RAPH1: variants seen among roughly 807,000 people sequenced by gnomAD.
The protein encoded by RAPH1 is Ras association (RalGDS/AF-6) and pleckstrin homology domains 1.
Under a neutral mutation model 88.1 loss-of-function variants are expected in RAPH1, and 18 were observed. That is an observed-to-expected ratio of 0.20 (90% CI 0.14 to 0.30). RAPH1 has a LOEUF of 0.30. Among genes scored for constraint, RAPH1 ranks in the 10% least tolerant of loss-of-function variants. The pLI is 1.00. For synonymous variants in RAPH1, 587 were observed against 559.0 expected, an observed-to-expected ratio of 1.05 and a Z score of -0.71; for missense variants, 1,448 against 1,543.2, an observed-to-expected ratio of 0.94 and a Z score of 1.03.
intron 10 of RAPH1, among the ~76,000 whole-genome samples, chr2:203,449,159 C>T (rs968544437): frequency 6.6e-6 from 1 of 152,196 alleles, no homozygotes; most frequent in East Asian, 1.9e-4. Context: ...ATAGAATTCT[C>T]CATCTATAAG....
At chr2:203,445,035 T>C in intron 12 of RAPH1, 25 bp from the exon 13 acceptor site, 2 of 1,607,130 alleles carry the variant, frequency 1.2e-6, no homozygotes, top group Non-Finnish European at 1.7e-6. Flanking sequence ...TTTTTAAACA[T>C]AGGTTTAAAA....
Position 203,440,546 on chromosome 2 carries a change from G to C in RAPH1, c.2644C>G (p.Pro882Ala), listed in dbSNP as rs1443870075. The part of the protein sequence containing the change: ...PPTPPAMESQ[P>A]LKPVPANVAP... Reference sequence around the variant, plus strand: ...ACATTTGCTGGGACAGGCTTTAAGGGCTGAGATTCCATGGCAGGGGGAGTT... The same window carrying C: ...ACATTTGCTGGGACAGGCTTTAAGGCCTGAGATTCCATGGCAGGGGGAGTT... Residue 882 changes from proline (P) to alanine (A), a missense_variant, in exon 14 of 14, where the codon CCC becomes GCC. Coordinates refer to ENST00000319170, the MANE Select transcript of RAPH1 (RefSeq NM_213589.3). 7 of 1,546,238 alleles carry C rather than the reference G, an allele frequency of 4.5e-6. No individual in the cohort carries two copies. The highest frequency in any genetic ancestry group is 6.1e-6 in the Non-Finnish European group (7 of 1,147,028).
chr2:203,481,736 T>C (rs1469736014), intron 4 of RAPH1, among the ~76,000 whole-genome samples: 3 of 150,492 alleles, frequency 2.0e-5, no homozygotes, highest in East Asian at 3.9e-4. Context: ...GAATTGCAGG[T>C]GTCTGCCACC....
intron 4 of RAPH1, among the ~76,000 whole-genome samples, chr2:203,486,884 G>C (rs187403538): frequency 3.8e-4 from 58 of 152,198 alleles, no homozygotes; most frequent in Admixed American, 1.9e-3. Flanking sequence ...GCTAGATAAG[G>C]CTTTTTAACT....
rs915967690 is a variant in RAPH1, at chr2:203,434,161, G to A, written c.*5276C>T. The A allele has an allele frequency of 3.9e-5, 6 of 152,324 alleles. No individual in the cohort carries two copies. The highest frequency in any genetic ancestry group is 7.3e-5 in the African/African-American group (3 of 41,336). 9.4% of individuals were successfully genotyped at this position (152,324 alleles called of 1,614,324 possible). On this transcript the variant is annotated 3_prime_UTR_variant, in exon 14 of 14. Coordinates refer to ENST00000319170, the MANE Select transcript of RAPH1 (RefSeq NM_213589.3). ...AAGAAAATAATAGCAACAAAGCTGC[G>A]AGAAAAATTGTAACTTCATCTTCAC...
intron 1 of RAPH1, among the ~76,000 whole-genome samples, chr2:203,534,014 C>G (rs1412041360): frequency 1.3e-5 from 2 of 152,178 alleles, no homozygotes; most frequent in Non-Finnish European, 2.9e-5. Context: ...TGCTTGTTCA[C>G]CTGGTGTCAC....
At chr2:203,479,623 A>G (rs2105779277) in intron 4 of RAPH1, among the ~76,000 whole-genome samples, 1 of 151,960 alleles carries the variant, frequency 6.6e-6, no homozygotes, top group East Asian at 1.9e-4. Flanking sequence ...AAAAAAAAAA[A>G]TTAAATCTGA....
intron 13 of RAPH1, chr2:203,444,649 C>T: frequency 2.3e-6 from 1 of 428,074 alleles, no homozygotes; most frequent in South Asian, 8.2e-5. Flanking sequence ...GATTTTAAGT[C>T]ATTAGAGCCA....
At position 203,436,123 on chromosome 2, in the gene RAPH1, T is replaced by C. The variant is rs1467111859; in HGVS notation, c.*3314A>G. 6.6e-6 allele frequency: 1 copy of C among 152,198 alleles called. No individual in the cohort carries two copies. The highest frequency in any genetic ancestry group is 1.5e-5 in the Non-Finnish European group (1 of 68,028). 9.4% of individuals were successfully genotyped at this position (152,198 alleles called of 1,614,324 possible). ...GTTTGTTTTCAGTGACAAGAAAACA[T>C]ACATGGAAAGGGGACCCAAGACAGT... On this transcript the variant is annotated 3_prime_UTR_variant, in exon 14 of 14. Transcript: ENST00000319170.
chr2:203,489,878 A>G lies in RAPH1; in HGVS notation c.438T>C (p.Pro146=). The G allele has an allele frequency of 1.2e-6, 2 of 1,614,254 alleles. No individual in the cohort carries two copies. Among genetic ancestry groups the G allele is most frequent in the Admixed American group, 1.7e-5 (1 of 60,026 alleles). The change falls in exon 4 of 14, where the codon CCT becomes CCC. Residue 146 remains proline (P), a synonymous_variant. Coordinates refer to ENST00000319170, the MANE Select transcript of RAPH1 (RefSeq NM_213589.3). Reference sequence around the variant, plus strand: ...CGTCCAAGGAGTAGCTGGCATGGGAAGGTTTAGCTATCCTATTAGATGAAG... The same window carrying G: ...CGTCCAAGGAGTAGCTGGCATGGGAGGGTTTAGCTATCCTATTAGATGAAG... The part of the protein sequence containing the change: ...LSSSSNRIAK[P]SHASYSLDDV...
At chr2:203,496,470 C>T (rs80000022) in intron 1 of RAPH1, among the ~76,000 whole-genome samples, 90 of 152,230 alleles carry the variant, frequency 5.9e-4, no homozygotes, top group African/African-American at 2.1e-3. Flanking sequence ...ACTGATTAAT[C>T]TGATAAATAT....
At position 203,440,787 on chromosome 2, in the gene RAPH1, A is replaced by C. The variant is rs1206595962; in HGVS notation, c.2403T>G (p.Ala801=). The C allele has an allele frequency of 6.3e-7, 1 of 1,583,612 alleles. No individual in the cohort carries two copies. The highest frequency in any genetic ancestry group is 2.3e-5 in the East Asian group (1 of 43,024). The part of the protein sequence containing the change: ...TKTVAPVVTQ[A]APPTPTPPVP... ...CTGGAGGAGTAGGTGTGGGTGGTGC[A>C]GCTTGAGTCACAACAGGTGCCACAG... Residue 801 remains alanine (A), a synonymous_variant, in exon 14 of 14, where the codon GCT becomes GCG. Transcript: ENST00000319170.
intron 1 of RAPH1, among the ~76,000 whole-genome samples, chr2:203,504,290 T>C (rs1688876289): frequency 6.6e-6 from 1 of 152,176 alleles, no homozygotes; most frequent in Admixed American, 6.5e-5. Flanking sequence ...TTTCTATACA[T>C]CTTCTGAAAT....
At chr2:203,453,051 T>C (rs1178439391) in intron 10 of RAPH1, among the ~76,000 whole-genome samples, 2 of 152,226 alleles carry the variant, frequency 1.3e-5, no homozygotes, top group Admixed American at 1.3e-4. Context: ...GAATGAAAGT[T>C]CAAGAGGCAA....
At chr2:203,505,240 T>A (rs981804389) in intron 1 of RAPH1, among the ~76,000 whole-genome samples, 1 of 151,716 alleles carries the variant, frequency 6.6e-6, no homozygotes, top group Non-Finnish European at 1.5e-5. Context: ...GAAAAAGAGG[T>A]TTAATTGGAC....
chr2:203,478,161 G>A (rs1687554786), intron 4 of RAPH1, among the ~76,000 whole-genome samples: 1 of 151,660 alleles, frequency 6.6e-6, no homozygotes, highest in Non-Finnish European at 1.5e-5. Flanking sequence ...ATCCTCCCGA[G>A]TAGCTGGGAC....
At chr2:203,444,024 GAAGGAAGGA>G (rs1253255786) in intron 13 of RAPH1, 6 of 126,076 alleles carry the variant, frequency 4.8e-5, no homozygotes, top group Non-Finnish European at 9.8e-5. Flanking sequence ...GGGATGGGGA[GAAGGAAGGA>G]AAGGAAGGGA....
At chr2:203,459,167 C>T (rs1176020434) in intron 7 of RAPH1, among the ~76,000 whole-genome samples, 1 of 152,196 alleles carries the variant, frequency 6.6e-6, no homozygotes. Flanking sequence ...TTGCGCCTGG[C>T]CTGTAATTAT....
chr2:203,532,443 G>C (rs1690430843), intron 1 of RAPH1, among the ~76,000 whole-genome samples: 1 of 152,150 alleles, frequency 6.6e-6, no homozygotes, highest in Non-Finnish European at 1.5e-5. Flanking sequence ...GAGTATATGT[G>C]TGTGTTGCTT....
Sources: gnomAD v4.1 joint callset for allele counts (sites outside exome capture counted in the v4.1 genomes callset) on GRCh38, gnomAD v4.1.1 for gene constraint, MANE v1.5 for transcripts, NCBI Gene and HGNC (gene_info 2026-07-23, HGNC 2026-07-21) for gene names.